OTUD7A: variants seen among roughly 807,000 people sequenced by gnomAD.
The protein encoded by OTUD7A is OTU domain-containing protein 7A.
A neutral mutation model predicts 65.7 loss-of-function variants in OTUD7A; 12 were observed. That is an observed-to-expected ratio of 0.18 (90% confidence interval 0.12 to 0.30). The LOEUF (loss-of-function observed/expected upper bound fraction) is 0.30. OTUD7A is among the 10% of genes least tolerant of loss of function. The pLI, the probability that OTUD7A is intolerant of heterozygous loss-of-function variation, is 1.00. For synonymous variants in OTUD7A, 641 were observed against 586.3 expected (o/e 1.09, Z -1.35); for missense variants, 1,148 against 1,304.8 (o/e 0.88, Z 1.85).
In OTUD7A at chr15:31,525,932, T is replaced by G. The variant is rs2042005441; in HGVS notation, c.893+417A>C. Among the ~76,000 whole-genome samples, 4 of 152,184 alleles carry G rather than the reference T, an allele frequency of 2.6e-5. No homozygotes were observed. The South Asian group carries it at 8.3e-4, about 32-fold the overall frequency. The stretch of plus-strand genomic sequence containing the variant: ...TTCTTGAAGCCACAAATTAATTAGT[T>G]GGGGGAGAAAACCCAAACTTCAGAG... On this transcript the variant is annotated intron_variant, in intron 8 of 12. Transcript: ENST00000307050.
At chr15:31,809,682 T>C (rs528107850) in intron 1 of OTUD7A, among the ~76,000 whole-genome samples, 35 of 152,172 alleles carry the variant, frequency 2.3e-4, no homozygotes, top group Non-Finnish European at 4.6e-4. Context: ...TCCAGAGAAT[T>C]AGAGGTCAGC....
intron 1 of OTUD7A, among the ~76,000 whole-genome samples, chr15:31,774,570 C>T (rs1895321664): frequency 6.6e-6 from 1 of 152,184 alleles, no homozygotes; most frequent in Admixed American, 6.5e-5. Flanking sequence ...TTAATGAGGA[C>T]ATGTTAGTAT....
intron 1 of OTUD7A, among the ~76,000 whole-genome samples, chr15:31,744,559 T>C (rs193230419): frequency 3.3e-5 from 5 of 152,228 alleles, no homozygotes; most frequent in Admixed American, 3.3e-4. Flanking sequence ...GAATTCCTCC[T>C]GCAATACAGG....
chr15:31,648,577 T>C (rs1465961018), intron 3 of OTUD7A, among the ~76,000 whole-genome samples: 1 of 152,140 alleles, frequency 6.6e-6, no homozygotes, highest in East Asian at 1.9e-4. Flanking sequence ...TGATCACAAA[T>C]TTGCAGACAA....
At position 31,655,150 on chromosome 15, in the gene OTUD7A, C is replaced by G; in HGVS notation, c.97G>C (p.Asp33His). 3 of 1,542,696 alleles carry G rather than the reference C, an allele frequency of 1.9e-6. No individual in the cohort carries two copies. Among genetic ancestry groups the G allele is most frequent in the Non-Finnish European group, 2.6e-6 (3 of 1,148,562 alleles). The change falls in exon 3 of 13, where the codon GAC becomes CAC. Residue 33 changes from aspartate to histidine, a missense_variant. Around this residue, in one of 6 missense-constraint regions of OTUD7A, gnomAD observed 38 missense variants for 85.7 expected, o/e 0.44. Coordinates refer to ENST00000307050, the MANE Select transcript of OTUD7A (RefSeq NM_001382637.1). ...TCTGCCCCCGTGGACCGAACAAAGT[C>G]TGACAGGACTGCGTCCATATCAAGA... ...MTLDMDAVLS[D>H]FVRSTGAEPG...
chr15:31,776,453 T>C (rs35579694), intron 1 of OTUD7A, among the ~76,000 whole-genome samples: 31,055 of 152,068 alleles, frequency 0.2, 3,626 homozygotes, highest in Admixed American at 0.28. Flanking sequence ...GTGGTGTGAC[T>C]GGAGATCTGA....
At chr15:31,768,281 G>T in intron 1 of OTUD7A, 1 of 724,886 alleles carries the variant, frequency 1.4e-6, no homozygotes. Context: ...GGCGAGTCTC[G>T]GCACAACCAT....
In OTUD7A at chr15:31,487,732, T is replaced by G. The variant is rs2041258921; in HGVS notation, c.1172-166A>C. Among the ~76,000 whole-genome samples, 1 of 152,244 alleles carries G rather than the reference T, an allele frequency of 6.6e-6. No homozygotes were observed. The stretch of plus-strand genomic sequence containing the variant: ...GACCAAAACCACTATTGCTAGTTTT[T>G]AAAATTTCGTATTTATTGCGGACAG... On this transcript the variant is annotated intron_variant, in intron 10 of 12. Coordinates refer to ENST00000307050, the MANE Select transcript of OTUD7A (RefSeq NM_001382637.1). This position sits in a 1 kb window ranked among gnomAD's most constrained non-coding sequence, Gnocchi z 6.0.
rs373634344 is a variant in OTUD7A at position 31,727,134 on chromosome 15, C to T, written c.-99-70057G>A. On this transcript the variant is annotated intron_variant, in intron 1 of 12. Coordinates refer to ENST00000307050, the MANE Select transcript of OTUD7A (RefSeq NM_001382637.1). Reference sequence around the variant, plus strand: ...CCTACCAGGTCTCAAATCCATCACCCCATCATGTCCAGCACAAGAACTTGG... The same window carrying T: ...CCTACCAGGTCTCAAATCCATCACCTCATCATGTCCAGCACAAGAACTTGG... Among the ~76,000 whole-genome samples the T allele has an allele frequency of 3.2e-4, 49 of 152,338 alleles. No individual in the cohort carries two copies. The South Asian group carries it at 9.3e-3, about 29-fold the overall frequency.
At chr15:31,771,891 A>G (rs2140914259) in intron 1 of OTUD7A, among the ~76,000 whole-genome samples, 1 of 152,196 alleles carries the variant, frequency 6.6e-6, no homozygotes, top group South Asian at 2.1e-4. Context: ...GCCTGGACCT[A>G]TATTTATTCT....
Position 31,498,388 on chromosome 15 carries a change from T to C in OTUD7A, c.1171+3302A>G, listed in dbSNP as rs1436781788. On this transcript the variant is annotated intron_variant, in intron 10 of 12. Coordinates refer to ENST00000307050, the MANE Select transcript of OTUD7A (RefSeq NM_001382637.1). The surrounding 1 kb of genome is among the most constrained non-coding windows in gnomAD (Gnocchi z 4.2). ...ATTCCAACACAGGTAACATTATCCATGAATTTCATTTCAGGGTAATGAAGA... is the reference window on the plus strand; with the variant it reads ...ATTCCAACACAGGTAACATTATCCACGAATTTCATTTCAGGGTAATGAAGA... Among the ~76,000 whole-genome samples, 1 of 152,202 alleles carries C rather than the reference T, an allele frequency of 6.6e-6. No individual in the cohort carries two copies. Among genetic ancestry groups the C allele is most frequent in the Non-Finnish European group, 1.5e-5 (1 of 68,034 alleles).
intron 1 of OTUD7A, among the ~76,000 whole-genome samples, chr15:31,820,442 G>A (rs1896650055): frequency 6.6e-6 from 1 of 152,108 alleles, no homozygotes. Context: ...GATATCGCAC[G>A]ATTCTTCCCC....
intron 1 of OTUD7A, among the ~76,000 whole-genome samples, chr15:31,783,406 T>C (rs1267388964): frequency 2.6e-5 from 4 of 152,228 alleles, no homozygotes; most frequent in Non-Finnish European, 5.9e-5. Flanking sequence ...TGCTTTTCGC[T>C]GTGTTGACAT....
chr15:31,858,322 C>T (rs978846117), intron 1 of OTUD7A, among the ~76,000 whole-genome samples: 44 of 152,186 alleles, frequency 2.9e-4, no homozygotes, highest in Non-Finnish European at 1.5e-4. Context: ...TGCCTGAGCC[C>T]TGAGGTCCAA....
chr15:31,525,145 TC>T (rs1186465227), intron 8 of OTUD7A, among the ~76,000 whole-genome samples: 1 of 152,126 alleles, frequency 6.6e-6, no homozygotes, highest in Non-Finnish European at 1.5e-5. Context: ...TCAGGCGTCC[TC>T]CCTGTGGCAG....
At chr15:31,750,747 T>C (rs1894612186) in intron 1 of OTUD7A, among the ~76,000 whole-genome samples, 1 of 152,130 alleles carries the variant, frequency 6.6e-6, no homozygotes, top group African/African-American at 2.4e-5. Context: ...ATACTATGTA[T>C]AATTATTATT....
At chr15:31,622,025 C>T (rs1206938636) in intron 3 of OTUD7A, among the ~76,000 whole-genome samples, 1 of 152,122 alleles carries the variant, frequency 6.6e-6, no homozygotes, top group African/African-American at 2.4e-5. Context: ...ACTTATGAAG[C>T]TTAGTTTGGC....
chr15:31,813,599 T>C (rs1896476053), intron 1 of OTUD7A, among the ~76,000 whole-genome samples: 1 of 152,356 alleles, frequency 6.6e-6, no homozygotes, highest in South Asian at 2.1e-4. Flanking sequence ...AATTTCTATG[T>C]TGCAGGCCTT....
intron 1 of OTUD7A, among the ~76,000 whole-genome samples, chr15:31,667,524 G>A (rs1892353895): frequency 6.6e-6 from 1 of 152,138 alleles, no homozygotes; most frequent in Admixed American, 6.5e-5. Flanking sequence ...GAGTCCTTAT[G>A]TGTTAGGTGA....
Sources: allele counts gnomAD v4.1 joint callset (sites outside exome capture counted in the v4.1 genomes callset), GRCh38; gene constraint gnomAD v4.1.1; regional missense constraint gnomAD v4.1.1; non-coding constraint Gnocchi (gnomAD v3.1); transcripts MANE v1.5; gene names NCBI Gene and HGNC (gene_info 2026-07-23, HGNC 2026-07-21).